The following MRPL43 variants were observed in gnomAD, a reference collection of about 807,000 sequenced individuals.
MRPL43 encodes the protein mitochondrial ribosomal protein L43.
In MRPL43, 9 loss-of-function variants were observed where a neutral mutation model predicts 12.7. The ratio of observed to expected loss-of-function variants is 0.71; its 90% CI spans 0.43 to 1.24. MRPL43 has a LOEUF of 1.24. Among genes scored for constraint, MRPL43 ranks in the 50% most tolerant of loss-of-function variants. The pLI, the probability that MRPL43 is intolerant of heterozygous loss-of-function variation, is 0.00. For synonymous variants in MRPL43, 116 were observed against 96.4 expected (o/e 1.20, Z -1.19); for missense variants, 211 against 229.2 (o/e 0.92, Z 0.51).
Position 100,986,695 on chromosome 10 carries a change from C to G in MRPL43, c.*39G>C. The G allele has an allele frequency of 6.2e-7, 1 of 1,613,810 alleles. No homozygotes were observed. The highest frequency in any genetic ancestry group is 8.5e-7 in the Non-Finnish European group (1 of 1,179,816). ...GGAAGAACCACCTTTACCGGAGTAA[C>G]AGTCCAAAGCCTGGGGCTGCAGTTG... On this transcript the variant is annotated 3_prime_UTR_variant, in exon 3 of 3. Transcript: ENST00000318364.
intron 2 of MRPL43, 44 bp downstream of exon 2, chr10:100,987,046 G>A (rs901565942): frequency 2.5e-6 from 4 of 1,608,802 alleles, no homozygotes; most frequent in East Asian, 4.5e-5. Context: ...ATAGCGGGTC[G>A]AGCCCCTGAT....
Position 100,986,746 on chromosome 10 carries a change from C to A in MRPL43, c.468G>T (p.Val156=). 6.2e-7 allele frequency: 1 copy of A among 1,613,626 alleles called. No individual in the cohort carries two copies. Among genetic ancestry groups the A allele is most frequent in the Non-Finnish European group, 8.5e-7 (1 of 1,179,998 alleles). ...GTGGGGCAACTCTTCACTGTGCTTGCACCTGGGCTGGGGCAGGATCCTGAA... is the reference window on the plus strand; with the variant it reads ...GTGGGGCAACTCTTCACTGTGCTTGAACCTGGGCTGGGGCAGGATCCTGAA... ...REVQDPAPAQ[V]QAQ Residue 156 remains valine, a synonymous_variant, in exon 3 of 3, where the codon GTG becomes GTT. Coordinates refer to ENST00000318364, the MANE Select transcript of MRPL43 (RefSeq NM_032112.3).
chr10:100,980,931 G>A (rs1260199125), downstream of MRPL43: 2 of 1,611,614 alleles, frequency 1.2e-6, no homozygotes, highest in Non-Finnish European at 1.7e-6. Context: ...CCCTACTGTG[G>A]CTGGGACCCT....
At chr10:100,984,019 G>A (rs976145243), downstream of MRPL43, 19 of 1,613,378 alleles carry the variant, frequency 1.2e-5, no homozygotes, top group Non-Finnish European at 1.5e-5. Flanking sequence ...CTGAGGCAGA[G>A]CAACAATGGA....
chr10:100,982,514 C>T (rs750741689), downstream of MRPL43, among the ~76,000 whole-genome samples: 10 of 152,184 alleles, frequency 6.6e-5, no homozygotes, highest in Non-Finnish European at 1.2e-4. Flanking sequence ...GAAGAAGGGC[C>T]GGGCACGGTG....
downstream of MRPL43, chr10:100,981,668 G>A (rs2133891383): frequency 8.1e-7 from 1 of 1,228,202 alleles, no homozygotes; most frequent in East Asian, 2.5e-5. Flanking sequence ...TTATGAGAAA[G>A]GTGCCATTAT....
At chr10:100,984,339 C>T, downstream of MRPL43, 1 of 1,441,838 alleles carries the variant, frequency 6.9e-7, no homozygotes, top group Non-Finnish European at 9.1e-7. Context: ...CAGCCCAGGC[C>T]CATCGGTGCT....
downstream of MRPL43, chr10:100,979,817 C>T (rs770110059): frequency 1.2e-6 from 2 of 1,610,202 alleles, no homozygotes; most frequent in Admixed American, 3.3e-5. Flanking sequence ...CTCCATGTAA[C>T]TCACCCCCCT....
rs7184 is a variant in MRPL43 at position 100,986,474 on chromosome 10, C to G, written c.*260G>C. ...TCAATTTGGATTTAAAAAACAAGGG[C>G]CCTGTAAAACCCTTGAAGTCTTCCT... On this transcript the variant is annotated 3_prime_UTR_variant, in exon 3 of 3. Coordinates refer to ENST00000318364, the MANE Select transcript of MRPL43 (RefSeq NM_032112.3). 1 of 1,536,214 alleles carries G rather than the reference C, an allele frequency of 6.5e-7. No individual in the cohort carries two copies. Among genetic ancestry groups the G allele is most frequent in the East Asian group, 2.4e-5 (1 of 40,834 alleles).
chr10:100,978,013 C>T (rs1850876668), downstream of MRPL43: 2 of 571,282 alleles, frequency 3.5e-6, no homozygotes, highest in Middle Eastern at 4.7e-4. Context: ...ATCCCCTGGA[C>T]AGCATGTGTT....
At chr10:100,979,832 C>T (rs1448587950), downstream of MRPL43, 1 of 1,612,256 alleles carries the variant, frequency 6.2e-7, no homozygotes, top group East Asian at 2.2e-5. Flanking sequence ...CCCCCTTGCC[C>T]TATGTCCCAT....
In MRPL43 at chr10:100,986,833, C is replaced by G. The variant is rs1447117766; in HGVS notation, c.381G>C (p.Gln127His). The G allele has an allele frequency of 6.2e-7, 1 of 1,613,818 alleles. No homozygotes were observed. The highest frequency in any genetic ancestry group is 8.5e-7 in the Non-Finnish European group (1 of 1,180,046). Residue 127 changes from glutamine to histidine, a missense_variant, in exon 3 of 3, where the codon CAG becomes CAC. Physicochemically the swap from Gln to His is conservative, Grantham distance 24. Coordinates refer to ENST00000318364, the MANE Select transcript of MRPL43 (RefSeq NM_032112.3). ...TGTTGGTGAAGGGGTGCCACTGGCC[C>G]TGGATGCTAGGGTTGTCGGTGTGGA... Reference protein sequence around the residue: ...KPFHTDNPSIQGQWHPFTNKP... With the variant: ...KPFHTDNPSIHGQWHPFTNKP...
downstream of MRPL43, chr10:100,978,885 G>A (rs1208157981): frequency 1.2e-6 from 2 of 1,614,206 alleles, no homozygotes; most frequent in Non-Finnish European, 1.7e-6. Flanking sequence ...GTGCGGGAGA[G>A]CAAGGCCAGT....
At chr10:100,979,382 G>C, downstream of MRPL43, 1 of 1,590,658 alleles carries the variant, frequency 6.3e-7, no homozygotes, top group Non-Finnish European at 8.6e-7. Flanking sequence ...GCTGCAAAGT[G>C]AGAATTTTTT....
downstream of MRPL43, chr10:100,986,202 G>A (rs190025549): frequency 9.9e-5 from 83 of 838,608 alleles, no homozygotes; most frequent in East Asian, 3.6e-3. Flanking sequence ...TATGTTCTGC[G>A]TCTAGTTTTA....
downstream of MRPL43, chr10:100,980,434 C>A: frequency 1.4e-6 from 2 of 1,412,696 alleles, no homozygotes; most frequent in Non-Finnish European, 2.0e-6. Flanking sequence ...GTCTGGAGTT[C>A]CCAGTGTCCT....
chr10:100,979,025 T>A, downstream of MRPL43: 1 of 1,613,776 alleles, frequency 6.2e-7, no homozygotes, highest in Non-Finnish European at 8.5e-7. Context: ...CAAGGTGGAT[T>A]GGGCTGACGT....
chr10:100,983,286 T>C (rs761700028), downstream of MRPL43: 3 of 1,509,124 alleles, frequency 2.0e-6, no homozygotes, highest in South Asian at 2.7e-5. Context: ...GGTACTGACC[T>C]CTCCCCCAAA....
chr10:100,983,852 TG>T, downstream of MRPL43: 2 of 1,587,344 alleles, frequency 1.3e-6, no homozygotes, highest in Non-Finnish European at 1.7e-6. Flanking sequence ...ATGAGGGGGC[TG>T]GGGGCCTGGA....
Sources: allele counts gnomAD v4.1 joint callset (sites outside exome capture counted in the v4.1 genomes callset), GRCh38; gene constraint gnomAD v4.1.1; transcripts MANE v1.5; gene names NCBI Gene and HGNC (gene_info 2026-07-23, HGNC 2026-07-21).